AXDND1: variants seen among roughly 807,000 people sequenced by gnomAD.
AXDND1 encodes the protein axonemal dynein light chain domain containing 1, also known as axonemal dynein light chain domain-containing protein 1.
Under a neutral mutation model 137.5 loss-of-function variants are expected in AXDND1, and 110 were observed. That is an observed-to-expected ratio of 0.80 (90% CI 0.69 to 0.94). The LOEUF is 0.94. AXDND1 is among the 40% of genes least tolerant of loss of function. AXDND1 has a pLI of 0.00. For missense variants in AXDND1, 1,191 were observed against 1,169.8 expected (o/e 1.02, Z -0.26); for synonymous variants, 414 against 399.7 (o/e 1.04, Z -0.43).
intron 4 of AXDND1, among the ~76,000 whole-genome samples, chr1:179,377,172 T>TCTGC (rs2125068462): frequency 6.6e-6 from 1 of 152,308 alleles, no homozygotes; most frequent in African/African-American, 2.4e-5. Context: ...CCTCAAGTGA[T>TCTGC]CTGCCCCCTT....
chr1:179,386,328 G>A (rs1242955845), intron 9 of AXDND1, among the ~76,000 whole-genome samples: 4 of 152,024 alleles, frequency 2.6e-5, no homozygotes, highest in African/African-American at 4.8e-5. Flanking sequence ...GATTACAGGC[G>A]TGAGCCACCG....
chr1:179,492,893 A>G lies in AXDND1; in HGVS notation c.2330A>G (p.Lys777Arg), dbSNP rs1667073805. Residue 777 changes from lysine to arginine, a missense_variant, in exon 20 of 26, where the codon AAA (lysine) becomes AGA (arginine). Coordinates refer to ENST00000367618, the MANE Select transcript of AXDND1 (RefSeq NM_144696.6). ...KGMVTAMALS[K>R]STNSHKNATE... ...ATGGTAACAGCAATGGCTCTGAGTA[A>G]ATCCACTAACTCACACAAAAATGCT... 3 of 1,611,322 alleles carry G rather than the reference A, an allele frequency of 1.9e-6. No individual in the cohort carries two copies. In the African/African-American group the frequency reaches 4.0e-5, roughly 22 times the overall value.
At chr1:179,523,871 T>C (rs1376670153) in intron 21 of AXDND1, among the ~76,000 whole-genome samples, 4 of 152,112 alleles carry the variant, frequency 2.6e-5, no homozygotes. Context: ...CTCCCACCCT[T>C]TTCCCCTGAA....
At chr1:179,391,165 GTT>G (rs1348004460) in intron 9 of AXDND1, among the ~76,000 whole-genome samples, 1 of 146,390 alleles carries the variant, frequency 6.8e-6, no homozygotes, top group Non-Finnish European at 1.5e-5. Flanking sequence ...TGGAATGTCT[GTT>G]TACTATTTTA....
At chr1:179,547,202 G>A (rs1465192073) in intron 25 of AXDND1, among the ~76,000 whole-genome samples, 4 of 152,194 alleles carry the variant, frequency 2.6e-5, no homozygotes, top group East Asian at 1.9e-4. Context: ...GCCCTGCTGC[G>A]TAGGCCCTGC....
intron 25 of AXDND1, chr1:179,545,954 T>G (rs1672606174): frequency 6.6e-6 from 1 of 152,146 alleles, no homozygotes; most frequent in Non-Finnish European, 1.5e-5. Context: ...TTCAAGGATT[T>G]GAAGGGAAGT....
chr1:179,376,940 C>CT (rs5779021), intron 4 of AXDND1, among the ~76,000 whole-genome samples: 10 of 151,092 alleles, frequency 6.6e-5, no homozygotes, highest in African/African-American at 1.5e-4. Context: ...GTAGTTTTTT[C>CT]TTTTTTTTTG....
At chr1:179,366,338 GA>G in intron 1 of AXDND1, 65 bp from the exon 2 acceptor site, 1 of 539,310 alleles carries the variant, frequency 1.9e-6, no homozygotes, top group Non-Finnish European at 3.3e-6. Flanking sequence ...ACTGCGATCT[GA>G]ACCTAAGTAC....
At chr1:179,474,418 G>T (rs1664354917) in intron 17 of AXDND1, among the ~76,000 whole-genome samples, 1 of 152,302 alleles carries the variant, frequency 6.6e-6, no homozygotes, top group Non-Finnish European at 1.5e-5. Context: ...ATGTGGGAAA[G>T]TTTGGAACTT....
chr1:179,368,835 GA>G lies in AXDND1; in HGVS notation c.134del (p.Asp45ValfsTer23), dbSNP rs1667734848. 6.2e-7 allele frequency: 1 copy of G among 1,613,332 alleles called. No individual in the cohort carries two copies. The highest frequency in any genetic ancestry group is 8.5e-7 in the Non-Finnish European group (1 of 1,179,738). On this transcript the variant is annotated frameshift_variant, in exon 3 of 26. Transcript: ENST00000367618. LOFTEE classifies it high-confidence loss of function. ...GCTAAAGGAGAAAAAAAATATGGTG[GA>G]TCGTTCAAAACTCCTTCCTACTTCC... ...PELKEKKNMVDRSKLLPTSLQ... is the reference protein window; with the variant it reads ...PELKEKKNMVXRSKLLPTSLQ...
chr1:179,525,794 C>CATAT (rs35491447), intron 22 of AXDND1, among the ~76,000 whole-genome samples: 4,764 of 141,288 alleles, frequency 0.034, 233 homozygotes, highest in African/African-American at 0.11. Flanking sequence ...ATGCTTGGAC[C>CATAT]ATATATATAT....
At chr1:179,390,104 C>T (rs1000665811) in intron 9 of AXDND1, among the ~76,000 whole-genome samples, 2 of 151,842 alleles carry the variant, frequency 1.3e-5, no homozygotes, top group Admixed American at 6.6e-5. Context: ...ACCTCTGCCT[C>T]CCAGGCTCAA....
chr1:179,534,663 T>C (rs1230172948), intron 24 of AXDND1, 67 bp from the exon 25 acceptor site: 2 of 1,509,058 alleles, frequency 1.3e-6, no homozygotes, highest in East Asian at 2.3e-5. Flanking sequence ...TTTTAGAAAA[T>C]GAGTTTCGAA....
At chr1:179,519,429 G>A (rs775822190) in intron 21 of AXDND1, among the ~76,000 whole-genome samples, 1 of 152,098 alleles carries the variant, frequency 6.6e-6, no homozygotes. Context: ...TGTTGCAATT[G>A]TTTTTGGCAT....
intron 17 of AXDND1, among the ~76,000 whole-genome samples, chr1:179,479,355 A>T (rs12760068): frequency 0.46 from 68,951 of 151,160 alleles, 16,549 homozygotes; most frequent in East Asian, 0.76. Flanking sequence ...CATGCCTGTA[A>T]TCCCAGCTAC....
At chr1:179,482,577 G>A (rs1197715754) in intron 17 of AXDND1, among the ~76,000 whole-genome samples, 1 of 152,126 alleles carries the variant, frequency 6.6e-6, no homozygotes, top group Non-Finnish European at 1.5e-5. Context: ...GGAGAGGAAG[G>A]AGCAGTCATG....
Position 179,554,523 on chromosome 1 carries a change from C to T in AXDND1, c.*4C>T. Reference sequence around the variant, plus strand: ...TTCCCCAAATACAGGTCACTGAATCCAAGGCAACCTGTGGAAAGAAGAATT... The same window carrying T: ...TTCCCCAAATACAGGTCACTGAATCTAAGGCAACCTGTGGAAAGAAGAATT... On this transcript the variant is annotated 3_prime_UTR_variant, in exon 26 of 26. Coordinates refer to ENST00000367618, the MANE Select transcript of AXDND1 (RefSeq NM_144696.6). The T allele has an allele frequency of 6.2e-7, 1 of 1,614,106 alleles. No homozygotes were observed. The highest frequency in any genetic ancestry group is 8.5e-7 in the Non-Finnish European group (1 of 1,180,004).
chr1:179,396,830 G>T (rs1651153131), intron 11 of AXDND1, among the ~76,000 whole-genome samples: 1 of 152,008 alleles, frequency 6.6e-6, no homozygotes, highest in African/African-American at 2.4e-5. Flanking sequence ...TTTTCCATTT[G>T]CTTGGTAGAT....
At chr1:179,532,230 C>T (rs6696896) in intron 23 of AXDND1, among the ~76,000 whole-genome samples, 133,342 of 152,206 alleles carry the variant, frequency 0.88, 58,572 homozygotes, top group East Asian at 0.96. Context: ...CCTAGCATAT[C>T]GTAACTAAAT....
Sources: allele counts gnomAD v4.1 joint callset (sites outside exome capture counted in the v4.1 genomes callset), GRCh38; gene constraint gnomAD v4.1.1; transcripts MANE v1.5; gene names NCBI Gene and HGNC (gene_info 2026-07-23, HGNC 2026-07-21).